SMG6: variants seen among roughly 807,000 people sequenced by gnomAD.
SMG6 encodes the protein SMG6 nonsense mediated mRNA decay factor, also known as telomerase-binding protein EST1A.
SMG6 carries 66 observed loss-of-function variants against 142.2 expected under a neutral mutation model. The ratio of observed to expected loss-of-function variants is 0.46; its 90% CI spans 0.38 to 0.57. The LOEUF (loss-of-function observed/expected upper bound fraction) is 0.57. Among genes scored for constraint, SMG6 ranks in the 20% least tolerant of loss-of-function variants. The probability of loss-of-function intolerance (pLI) is 0.00; values close to 1 mark genes in which losing one functional copy is unlikely to be tolerated. For synonymous variants in SMG6, 779 were observed against 702.4 expected (o/e 1.11, Z -1.72); for missense variants, 1,793 against 1,832.0 (o/e 0.98, Z 0.39).
chr17:2,265,936 A>T, intron 8 of SMG6: 1 of 958,964 alleles, frequency 1.0e-6, no homozygotes, highest in Non-Finnish European at 1.2e-6. Flanking sequence ...TTACCACCTA[A>T]GAACTGGTGC....
At position 2,186,643 on chromosome 17, in the gene SMG6, C is replaced by T. The variant is rs752211698; in HGVS notation, c.3155+20G>A. 19 of 1,613,386 alleles carry T rather than the reference C, an allele frequency of 1.2e-5. No homozygotes were observed. The Admixed American group carries it at 3.0e-4, about 25-fold the overall frequency. ...CAGGCCCAAGCCAGTGGTGCTGAAG[C>T]AATGGGCAGGTCAACTCACTGCGAG... On this transcript the variant is annotated intron_variant, in intron 12 of 18. Coordinates refer to ENST00000263073, the MANE Select transcript of SMG6 (RefSeq NM_017575.5).
At chr17:2,206,786 G>A (rs1306821702) in intron 10 of SMG6, among the ~76,000 whole-genome samples, 1 of 151,880 alleles carries the variant, frequency 6.6e-6, no homozygotes, top group Non-Finnish European at 1.5e-5. Flanking sequence ...TACTTGGAAG[G>A]CTGAGGCAGG....
At chr17:2,279,417 G>A (rs2074733486) in intron 8 of SMG6, among the ~76,000 whole-genome samples, 1 of 152,210 alleles carries the variant, frequency 6.6e-6, no homozygotes, top group South Asian at 2.1e-4. Context: ...CTGATTGTAA[G>A]AGCACACAGA....
rs1293631526 is a variant in SMG6, at chr17:2,230,203, AAAAAAAAAAAAAAAAAAAG to A, written c.2869+6270_2869+6288del. Among the ~76,000 whole-genome samples, 271 of 115,850 alleles carry A rather than the reference AAAAAAAAAAAAAAAAAAAG, an allele frequency of 2.3e-3. 7 individuals are homozygous for A. Among genetic ancestry groups the A allele is most frequent in the Non-Finnish European group, 3.1e-3 (181 of 59,122 alleles). 76.0% of individuals were successfully genotyped at this position (115,850 alleles called of 152,430 possible). A position where few individuals can be genotyped will look rare whatever the true frequency, so the allele number is the denominator to read the frequency against. On this transcript the variant is annotated intron_variant, in intron 10 of 18. Transcript: ENST00000263073. Reference sequence around the variant, plus strand: ...TCCGTCTCCAAAAAAAAAAAAAAAAAAAAAAAAAAAAAAAAAAAGGAAAAGAAAGGAAAAGAAAAGTGTC... The same window carrying A: ...TCCGTCTCCAAAAAAAAAAAAAAAAAGAAAAGAAAGGAAAAGAAAAGTGTC...
Position 2,196,974 on chromosome 17 carries a change from T to C in SMG6, c.2870-8459A>G, listed in dbSNP as rs181239762. 2.0e-5 allele frequency among the ~76,000 whole-genome samples: 3 copies of C among 152,292 alleles called. No homozygotes were observed. In the East Asian group the frequency reaches 5.8e-4, roughly 29 times the overall value. ...TAAAACCTTGACCTAACTTTCACAC[T>C]TATACAAAAATTATCTCATAATAGA... On this transcript the variant is annotated intron_variant, in intron 10 of 18. Coordinates refer to ENST00000263073, the MANE Select transcript of SMG6 (RefSeq NM_017575.5).
chr17:2,095,453 A>G (rs1412762876), intron 13 of SMG6, among the ~76,000 whole-genome samples: 2 of 152,128 alleles, frequency 1.3e-5, no homozygotes, highest in Non-Finnish European at 2.9e-5. Flanking sequence ...TCTTCAACAC[A>G]CTTAGGCAAC....
chr17:2,179,767 A>G (rs971504402), intron 12 of SMG6, among the ~76,000 whole-genome samples: 1 of 152,186 alleles, frequency 6.6e-6, no homozygotes, highest in Non-Finnish European at 1.5e-5. Flanking sequence ...CAGACTCCAA[A>G]TGAAAAAGAG....
chr17:2,094,723 C>T (rs368786802), intron 13 of SMG6: 2 of 152,244 alleles, frequency 1.3e-5, no homozygotes, highest in South Asian at 4.2e-4. Flanking sequence ...GGATCCTTGC[C>T]TCATGTCTCC....
chr17:2,302,223 A>T (rs1017876504), intron 1 of SMG6, among the ~76,000 whole-genome samples: 1 of 151,986 alleles, frequency 6.6e-6, no homozygotes, highest in Admixed American at 6.6e-5. Context: ...ACTGCACTCC[A>T]GCCTGGAAGA....
chr17:2,112,988 G>C (rs2069385736), intron 13 of SMG6, among the ~76,000 whole-genome samples: 1 of 152,012 alleles, frequency 6.6e-6, no homozygotes, highest in Admixed American at 6.6e-5. Flanking sequence ...GACCTCCTGA[G>C]CTCAAGTGAT....
rs377632090 is a variant in SMG6, at chr17:2,188,390, C to A, written c.2986+9G>T. ...AAAGCCCACCAGGCTGGGGACTCCT[C>A]CTGCTTACCTTTGGCGGACTCCTTA... On this transcript the variant is annotated intron_variant, in intron 11 of 18. Transcript: ENST00000263073. The A allele has an allele frequency of 6.2e-7, 1 of 1,613,396 alleles. No individual in the cohort carries two copies. Among genetic ancestry groups the A allele is most frequent in the Non-Finnish European group, 8.5e-7 (1 of 1,179,530 alleles).
intron 9 of SMG6, among the ~76,000 whole-genome samples, chr17:2,240,614 T>C (rs1375434014): frequency 6.6e-6 from 1 of 152,220 alleles, no homozygotes; most frequent in Non-Finnish European, 1.5e-5. Flanking sequence ...CAAGATCTTG[T>C]AACTAGTAAG....
At chr17:2,101,423 C>T (rs1268541186) in intron 13 of SMG6, 1 of 152,172 alleles carries the variant, frequency 6.6e-6, no homozygotes, top group South Asian at 2.1e-4. Flanking sequence ...TTTCATGATA[C>T]TTTTAGGATC....
intron 13 of SMG6, among the ~76,000 whole-genome samples, chr17:2,104,880 C>T (rs1223249819): frequency 6.6e-6 from 1 of 151,930 alleles, no homozygotes; most frequent in Non-Finnish European, 1.5e-5. Context: ...AAGGTAATGG[C>T]ACTTTCACAA....
intron 13 of SMG6, among the ~76,000 whole-genome samples, chr17:2,126,013 G>A (rs1182525097): frequency 2.7e-5 from 4 of 150,052 alleles, no homozygotes; most frequent in East Asian, 1.9e-4. Context: ...CAAATTAATC[G>A]TGAAAAAGAA....
chr17:2,286,176 T>G (rs556976242), intron 6 of SMG6, among the ~76,000 whole-genome samples: 1 of 152,216 alleles, frequency 6.6e-6, no homozygotes, highest in African/African-American at 2.4e-5. Context: ...AGGCTTAATA[T>G]TTTGAAGATG....
chr17:2,174,301 G>C (rs2071595590), intron 12 of SMG6, among the ~76,000 whole-genome samples: 1 of 152,180 alleles, frequency 6.6e-6, no homozygotes, highest in Non-Finnish European at 1.5e-5. Context: ...TCCTACTAGG[G>C]AGGGGCCTCA....
At position 2,071,522 on chromosome 17, in the gene SMG6, T is replaced by G. The variant is rs1597333506; in HGVS notation, c.3682-2591A>C. Among the ~76,000 whole-genome samples the G allele has an allele frequency of 6.6e-6, 1 of 152,192 alleles. No homozygotes were observed. Among genetic ancestry groups the G allele is most frequent in the East Asian group, 1.9e-4 (1 of 5,192 alleles). On this transcript the variant is annotated intron_variant, in intron 15 of 18. Transcript: ENST00000263073. This position sits in a 1 kb window ranked among gnomAD's most constrained non-coding sequence, Gnocchi z 5.6. ...TAGGCCGCAGCCTTTCAGAGGGGGC[T>G]TCCCTGGGTGTGGGGTGGGGCCAAG...
At chr17:2,134,388 G>A (rs1049632263) in intron 13 of SMG6, among the ~76,000 whole-genome samples, 1 of 120,050 alleles carries the variant, frequency 8.3e-6, no homozygotes, top group East Asian at 2.4e-4. Flanking sequence ...TACAACCTGG[G>A]AGCCTGGGCG....
Sources: gnomAD v4.1 joint callset for allele counts (sites outside exome capture counted in the v4.1 genomes callset) on GRCh38, gnomAD v4.1.1 for gene constraint, Gnocchi (gnomAD v3.1) non-coding constraint, MANE v1.5 for transcripts, NCBI Gene and HGNC (gene_info 2026-07-23, HGNC 2026-07-21) for gene names.